CES5A: variants seen among roughly 807,000 people sequenced by gnomAD.
The protein encoded by CES5A is carboxylesterase 5A.
In CES5A, 67 loss-of-function variants were observed where a neutral mutation model predicts 62.9. The observed-to-expected ratio is 1.07, with a 90% CI of 0.88 to 1.31. CES5A has a LOEUF of 1.31. Ranked by LOEUF, CES5A falls within the 50% of genes most tolerant of loss-of-function variation. The pLI is 0.00. For missense variants in CES5A, 748 were observed against 708.5 expected (o/e 1.06, Z -0.63); for synonymous variants, 296 against 280.8 (o/e 1.05, Z -0.54).
At chr16:55,854,562 CAG>C (rs1249691872) in intron 9 of CES5A, among the ~76,000 whole-genome samples, 1 of 8,720 alleles carries the variant, frequency 1.1e-4, no homozygotes, top group Non-Finnish European at 2.2e-4. Flanking sequence ...TTTTTTGAGA[CAG>C]AGTCTCTCGC....
At chr16:55,907,813 G>C (rs2034053637) in intron 1 of CES5A, among the ~76,000 whole-genome samples, 4 of 152,168 alleles carry the variant, frequency 2.6e-5, no homozygotes, top group Admixed American at 2.0e-4. Flanking sequence ...CCAAGCCCCT[G>C]TCACTGTCCC....
At chr16:55,851,873 T>G (rs1240354396) in intron 10 of CES5A, among the ~76,000 whole-genome samples, 1 of 152,178 alleles carries the variant, frequency 6.6e-6, no homozygotes, top group African/African-American at 2.4e-5. Flanking sequence ...AGGAGGAAAT[T>G]CTGATGTATA....
chr16:55,930,709 A>G (rs2034301780), intron 2 of CES5A, among the ~76,000 whole-genome samples: 1 of 152,176 alleles, frequency 6.6e-6, no homozygotes, highest in African/African-American at 2.4e-5. Flanking sequence ...TCACGGTTGT[A>G]ATTTTACATT....
At chr16:55,894,775 T>C (rs2033915432) in intron 1 of CES5A, among the ~76,000 whole-genome samples, 1 of 152,204 alleles carries the variant, frequency 6.6e-6, no homozygotes, top group Non-Finnish European at 1.5e-5. Context: ...TTCCACTCTT[T>C]AGTTCCATGG....
chr16:55,946,482 A>T (rs2034495762), intron 2 of CES5A, among the ~76,000 whole-genome samples: 1 of 152,216 alleles, frequency 6.6e-6, no homozygotes, highest in Admixed American at 6.5e-5. Flanking sequence ...AGCAAAACTG[A>T]GCAATATTGG....
upstream of CES5A, among the ~76,000 whole-genome samples, chr16:55,930,110 A>T (rs2034295096): frequency 6.6e-6 from 1 of 152,134 alleles, no homozygotes; most frequent in Admixed American, 6.5e-5. Context: ...AGCCATAAAG[A>T]TTGTTAGAAC....
At position 55,871,673 on chromosome 16, in the gene CES5A, G is replaced by C. The variant is rs200734661; in HGVS notation, c.369C>G (p.Tyr123Ter). The C allele has an allele frequency of 1.2e-6, 2 of 1,614,156 alleles. No homozygotes were observed. Among genetic ancestry groups the C allele is most frequent in the Non-Finnish European group, 1.7e-6 (2 of 1,180,018 alleles). Residue 123 changes from tyrosine (Y) to a stop codon, truncating the protein, a stop_gained, in exon 3 of 13, where the codon TAC becomes TAG. Transcript: ENST00000290567. LOFTEE classifies it high-confidence loss of function. ...PKFGVSEDCL[Y>*]LNIYAPAHAD... Reference sequence around the variant, plus strand: ...CGTGGGCAGGCGCATAGATGTTCAGGTAGAGGCAGTCTTCTGACACTCCGA... The same window carrying C: ...CGTGGGCAGGCGCATAGATGTTCAGCTAGAGGCAGTCTTCTGACACTCCGA...
rs145397395 is a variant in CES5A at position 55,866,010 on chromosome 16, C to T, written c.658G>A (p.Val220Met). 269 of 1,614,214 alleles carry T rather than the reference C, an allele frequency of 1.7e-4. 2 individuals carry two copies. In the East Asian group the frequency reaches 5.9e-3, roughly 35 times the overall value. Residue 220 changes from valine to methionine, a missense_variant, in exon 5 of 13, where the codon GTG (valine) becomes ATG (methionine). Physicochemically the swap from Val to Met is conservative, Grantham distance 21. Coordinates refer to ENST00000290567, the MANE Select transcript of CES5A (RefSeq NM_001143685.2). ...CCCGCGGACTCGCCAAAGATGGTCA[C>T]AGAGCTGGGGTCCCCACCGAAGAAC... Reference protein sequence around the residue: ...IEFFGGDPSSVTIFGESAGAI... With the variant: ...IEFFGGDPSSMTIFGESAGAI...
chr16:55,865,891 G>A, intron 5 of CES5A, 72 bp downstream of exon 5: 3 of 1,525,352 alleles, frequency 2.0e-6, no homozygotes, highest in Non-Finnish European at 1.8e-6. Flanking sequence ...ACAATCAAAT[G>A]TTAGTGACTC....
intron 1 of CES5A, among the ~76,000 whole-genome samples, chr16:55,921,573 G>A (rs1251765993): frequency 1.4e-5 from 2 of 144,082 alleles, no homozygotes; most frequent in South Asian, 2.2e-4. Context: ...CAAAAGCTGA[G>A]AGAATTCACT....
chr16:55,869,845 A>T, intron 3 of CES5A, 101 bp from the exon 4 acceptor site: 2 of 1,447,574 alleles, frequency 1.4e-6, no homozygotes, highest in Non-Finnish European at 1.8e-6. Context: ...TAAATGTCCC[A>T]CTTGCTAAGC....
At chr16:55,881,755 G>T (rs1166075108) in intron 1 of CES5A, among the ~76,000 whole-genome samples, 2 of 152,192 alleles carry the variant, frequency 1.3e-5, no homozygotes, top group South Asian at 2.1e-4. Context: ...TAAAGAATTT[G>T]CTAGGCAGGA....
intron 2 of CES5A, among the ~76,000 whole-genome samples, chr16:55,942,460 G>A (rs1179612222): frequency 1.3e-5 from 2 of 152,132 alleles, no homozygotes; most frequent in African/African-American, 2.4e-5. Flanking sequence ...ATAAGAAATG[G>A]TATTTAACAT....
chr16:55,954,388 A>AC (rs2034587338), intron 1 of CES5A, among the ~76,000 whole-genome samples: 1 of 152,232 alleles, frequency 6.6e-6, no homozygotes, highest in Admixed American at 6.5e-5. Flanking sequence ...AAGCCTGGAG[A>AC]CACGCTAAAG....
At chr16:55,851,283 C>G (rs1444331988) in intron 10 of CES5A, among the ~76,000 whole-genome samples, 7 of 152,084 alleles carry the variant, frequency 4.6e-5, no homozygotes, top group African/African-American at 7.2e-5. Flanking sequence ...ATATAAGGAA[C>G]TCTTAAAACT....
chr16:55,887,281 G>A (rs551781422), intron 1 of CES5A, among the ~76,000 whole-genome samples: 6 of 151,614 alleles, frequency 4.0e-5, no homozygotes, highest in East Asian at 3.9e-4. Context: ...ATGCTTCCAC[G>A]GGTCAACAGT....
chr16:55,940,626 C>A (rs1447651276), intron 2 of CES5A, among the ~76,000 whole-genome samples: 1 of 151,812 alleles, frequency 6.6e-6, no homozygotes, highest in Non-Finnish European at 1.5e-5. Context: ...TAATTCTACA[C>A]AATTTCTTTC....
At chr16:55,924,279 A>G (rs2034237593) in intron 1 of CES5A, among the ~76,000 whole-genome samples, 2 of 152,012 alleles carry the variant, frequency 1.3e-5, no homozygotes, top group Admixed American at 1.3e-4. Context: ...TGCCAATAGC[A>G]AACAATATGA....
At chr16:55,923,466 A>T (rs1417210858) in intron 1 of CES5A, among the ~76,000 whole-genome samples, 4 of 151,954 alleles carry the variant, frequency 2.6e-5, no homozygotes, top group Non-Finnish European at 5.9e-5. Flanking sequence ...AGATTGAACT[A>T]TGAAGAAATA....
Sources: allele counts gnomAD v4.1 joint callset (sites outside exome capture counted in the v4.1 genomes callset), GRCh38; gene constraint gnomAD v4.1.1; transcripts MANE v1.5; gene names NCBI Gene and HGNC (gene_info 2026-07-23, HGNC 2026-07-21).